The following SLC9A7 variants were observed in gnomAD, a reference collection of about 807,000 sequenced individuals.
The protein encoded by SLC9A7 is solute carrier family 9 member A7, also known as sodium/hydrogen exchanger 7.
A neutral mutation model predicts 52.6 loss-of-function variants in SLC9A7; 19 were observed. The observed-to-expected ratio is 0.36, with a 90% confidence interval of 0.25 to 0.53. The LOEUF is 0.53. SLC9A7 is among the 20% of genes least tolerant of loss of function. SLC9A7 has a pLI of 0.91. For missense variants in SLC9A7, 455 were observed against 597.9 expected (o/e 0.76, Z 2.49); for synonymous variants, 226 against 252.1 (o/e 0.90, Z 0.98).
intron 3 of SLC9A7, 111 bp downstream of exon 3, chrX:46,679,567 G>T: frequency 1.8e-6 from 1 of 564,880 alleles, no homozygotes; most frequent in Non-Finnish European, 2.9e-6. Flanking sequence ...CTGAGTGGGT[G>T]CAGAACAAAG....
chrX:46,669,948 G>T (rs762559716), intron 4 of SLC9A7, among the ~76,000 whole-genome samples: 1 of 112,136 alleles, frequency 8.9e-6, no homozygotes, highest in African/African-American at 3.2e-5. Context: ...TTTAAAAGTT[G>T]TACTGGCTAA....
At chrX:46,723,578 G>T (rs1385447341) in intron 1 of SLC9A7, among the ~76,000 whole-genome samples, 3 of 111,153 alleles carry the variant, frequency 2.7e-5, no homozygotes, top group African/African-American at 9.8e-5. Context: ...TTTGGAGAGG[G>T]GGCTGTCTCA....
intron 7 of SLC9A7, among the ~76,000 whole-genome samples, chrX:46,655,901 G>A: frequency 8.9e-6 from 1 of 112,752 alleles, no homozygotes; most frequent in South Asian, 3.6e-4. Context: ...GCCTCTGTAG[G>A]CTCCACCTCT....
At chrX:46,747,421 A>G (rs1921861745) in intron 1 of SLC9A7, among the ~76,000 whole-genome samples, 1 of 112,077 alleles carries the variant, frequency 8.9e-6, no homozygotes, top group Non-Finnish European at 1.9e-5. Context: ...TACATCTATT[A>G]TGCATCAATT....
At chrX:46,636,121 A>C (rs1196420844) in intron 12 of SLC9A7, among the ~76,000 whole-genome samples, 1 of 112,074 alleles carries the variant, frequency 8.9e-6, no homozygotes, top group African/African-American at 3.2e-5. Flanking sequence ...ACAATACTTA[A>C]GAAGACAAAG....
chrX:46,635,425 G>A (rs1218524754), intron 13 of SLC9A7, among the ~76,000 whole-genome samples, 164 bp downstream of exon 13: 1 of 112,060 alleles, frequency 8.9e-6, no homozygotes, highest in Non-Finnish European at 1.9e-5. Context: ...AGGAGGGGTG[G>A]AAAAAATGAT....
chrX:46,620,112 A>T (rs1354102497), intron 15 of SLC9A7, among the ~76,000 whole-genome samples: 1 of 111,655 alleles, frequency 9.0e-6, no homozygotes, highest in Non-Finnish European at 1.9e-5. Context: ...CCATTTGATG[A>T]CTATGTCAAC....
At chrX:46,638,165 C>T (rs1396093853) in intron 12 of SLC9A7, among the ~76,000 whole-genome samples, 1 of 112,025 alleles carries the variant, frequency 8.9e-6, no homozygotes. Context: ...ACCTGGGTTA[C>T]AGAAATGATT....
At chrX:46,725,116 T>C in intron 1 of SLC9A7, 1 of 594,329 alleles carries the variant, frequency 1.7e-6, no homozygotes, top group South Asian at 2.2e-5. Context: ...CCTAGTCCCA[T>C]AATATGTGTT....
chrX:46,606,231 T>A lies in SLC9A7; in HGVS notation c.*721A>T. The A allele has an allele frequency of 1.3e-6, 1 of 745,828 alleles. No homozygotes were observed. The highest frequency in any genetic ancestry group is 1.6e-6 in the Non-Finnish European group (1 of 631,560). 61.5% of individuals were successfully genotyped at this position (745,828 alleles called of 1,213,427 possible). On this transcript the variant is annotated 3_prime_UTR_variant, in exon 17 of 17. Coordinates refer to ENST00000616978, the MANE Select transcript of SLC9A7 (RefSeq NM_001257291.2). ...TAAATACCTCCTTTCCTCAGATTAATCAAAAAATAAGAGTATAACACTATT... is the reference window on the plus strand; with the variant it reads ...TAAATACCTCCTTTCCTCAGATTAAACAAAAAATAAGAGTATAACACTATT...
intron 1 of SLC9A7, among the ~76,000 whole-genome samples, chrX:46,741,295 T>G (rs1921334889): frequency 9.0e-6 from 1 of 111,527 alleles, no homozygotes; most frequent in Non-Finnish European, 1.9e-5. Flanking sequence ...CTAAAATGTA[T>G]ATGGAAAGGC....
Position 46,672,618 on chromosome X carries a change from A to G in SLC9A7, c.613T>C (p.Phe205Leu). The change falls in exon 4 of 17, where the codon TTC becomes CTC. Residue 205 changes from phenylalanine to leucine, a missense_variant. Phe to Leu is a conservative substitution (Grantham distance 22). Coordinates refer to ENST00000616978, the MANE Select transcript of SLC9A7 (RefSeq NM_001257291.2). ...GCCAGTATAGATCCAAGATTTCTGA[A>G]AAAGTGTCTCTGAATAAAACAAACA... ...AGYSLKKRHF[F>L]RNLGSILAYA... 8.4e-7 allele frequency: 1 copy of G among 1,196,539 alleles called. No individual in the cohort carries two copies. The highest frequency in any genetic ancestry group is 1.1e-6 in the Non-Finnish European group (1 of 883,244).
intron 7 of SLC9A7, among the ~76,000 whole-genome samples, chrX:46,658,057 G>A (rs1285561657): frequency 1.9e-5 from 2 of 104,951 alleles, no homozygotes; most frequent in Admixed American, 2.1e-4. Context: ...TAGAACTCAG[G>A]ATTAAGAATC....
In SLC9A7 at chrX:46,733,410, A is replaced by T. The variant is rs184113845; in HGVS notation, c.325+25295T>A. On this transcript the variant is annotated intron_variant, in intron 1 of 16. Transcript: ENST00000616978. Reference sequence around the variant, plus strand: ...AGGAAATGATACTAGACAATGACTCAAAGCCACACAAAGAAATTAAGAGCA... The same window carrying T: ...AGGAAATGATACTAGACAATGACTCTAAGCCACACAAAGAAATTAAGAGCA... Among the ~76,000 whole-genome samples, 160 of 112,260 alleles carry T rather than the reference A, an allele frequency of 1.4e-3. 1 individual carries two copies. The South Asian group carries it at 0.036, about 25-fold the overall frequency.
rs1293416815 is a variant in SLC9A7, at chrX:46,748,495, A to ATATTCAT, written c.325+10209_325+10210insATGAATA. Among the ~76,000 whole-genome samples the ATATTCAT allele has an allele frequency of 2.4e-3, 257 of 107,141 alleles. 1 individual carries two copies. Among genetic ancestry groups the ATATTCAT allele is most frequent in the Admixed American group, 9.1e-3 (91 of 9,975 alleles). The allele number at this position is 107,141 out of a possible 115,157, so 93.0% of individuals were successfully genotyped here. ...AGTGTTCATAGTAGCATTATTCAAA[A>ATATTCAT]GGTGGAAATAACCCGAGTGTCCACC... On this transcript the variant is annotated intron_variant, in intron 1 of 16. Transcript: ENST00000616978.
intron 12 of SLC9A7, among the ~76,000 whole-genome samples, chrX:46,640,607 T>G (rs966753019): frequency 8.9e-6 from 1 of 111,966 alleles, no homozygotes; most frequent in African/African-American, 3.2e-5. Context: ...AAAGACAAGC[T>G]ACACACTGGG....
At chrX:46,750,709 C>T (rs1307954866) in intron 1 of SLC9A7, among the ~76,000 whole-genome samples, 1 of 112,192 alleles carries the variant, frequency 8.9e-6, no homozygotes, top group Non-Finnish European at 1.9e-5. Context: ...GTACTTAACA[C>T]GGTGACAGAC....
At chrX:46,655,704 A>G (rs1433457277) in intron 7 of SLC9A7, among the ~76,000 whole-genome samples, 4 of 112,792 alleles carry the variant, frequency 3.5e-5, no homozygotes, top group East Asian at 2.8e-4. Flanking sequence ...TATCCCGCAC[A>G]TGGCTTGGAG....
chrX:46,737,744 G>A (rs952641923), intron 1 of SLC9A7, among the ~76,000 whole-genome samples: 3 of 111,342 alleles, frequency 2.7e-5, no homozygotes, highest in Admixed American at 9.6e-5. Context: ...AGAAAGTTTG[G>A]GGCTGGGTGC....
Sources: gnomAD v4.1 joint callset for allele counts (sites outside exome capture counted in the v4.1 genomes callset) on GRCh38, gnomAD v4.1.1 for gene constraint, MANE v1.5 for transcripts, NCBI Gene and HGNC (gene_info 2026-07-23, HGNC 2026-07-21) for gene names.